Variants in NTM observed in about 807,000 individuals in gnomAD.
NTM encodes neurotrimin.
NTM carries 13 observed loss-of-function variants against 42.1 expected under a neutral mutation model. The observed-to-expected ratio is 0.31, with a 90% CI of 0.20 to 0.49. NTM has a LOEUF of 0.49. NTM is among the 20% of genes least tolerant of loss of function. NTM has a pLI of 0.99. For synonymous variants in NTM, 187 were observed against 179.2 expected, an observed-to-expected ratio of 1.04 and a Z score of -0.35; for missense variants, 373 against 452.8, an observed-to-expected ratio of 0.82 and a Z score of 1.60.
chr11:131,988,339 T>C (rs1249056886), intron 2 of NTM, among the ~76,000 whole-genome samples: 1 of 152,212 alleles, frequency 6.6e-6, no homozygotes, highest in Non-Finnish European at 1.5e-5. Flanking sequence ...AACCTTTCCC[T>C]GAGTTGATTT....
chr11:131,966,041 A>G (rs2062796479), intron 2 of NTM, among the ~76,000 whole-genome samples: 2 of 151,876 alleles, frequency 1.3e-5, no homozygotes. Flanking sequence ...AACAAATTGC[A>G]TTTTTCTGGG....
At chr11:132,036,313 T>C (rs2076507406) in intron 2 of NTM, among the ~76,000 whole-genome samples, 3 of 152,070 alleles carry the variant, frequency 2.0e-5, no homozygotes, top group Admixed American at 1.3e-4. Flanking sequence ...ATTTTCTTCA[T>C]AAGAGAGACT....
At chr11:132,094,515 C>T (rs966287893) in intron 2 of NTM, among the ~76,000 whole-genome samples, 4 of 152,148 alleles carry the variant, frequency 2.6e-5, no homozygotes, top group Non-Finnish European at 4.4e-5. Context: ...GATTTTAGTC[C>T]TTCTCTTTAG....
rs149079341 is a variant in NTM, at chr11:131,787,354, G to GATTATTATTATTATTATTATT, written c.83-124203_83-124183dup. ...AGATTTTAATATTAACATAATACAA[G>GATTATTATTATTATTATTATT]ATTATTATTATTATTATTATTATTA... On this transcript the variant is annotated intron_variant, in intron 1 of 8. Coordinates refer to ENST00000683400, the MANE Select transcript of NTM (RefSeq NM_001352005.2). Among the ~76,000 whole-genome samples, 915 of 144,428 alleles carry GATTATTATTATTATTATTATT rather than the reference G, an allele frequency of 6.3e-3. 2 individuals are homozygous for GATTATTATTATTATTATTATT. The highest frequency in any genetic ancestry group is 0.012 in the East Asian group (59 of 4,964). 94.8% of individuals were successfully genotyped at this position (144,428 alleles called of 152,430 possible).
intron 4 of NTM, among the ~76,000 whole-genome samples, chr11:132,228,564 G>T (rs1225827094): frequency 6.6e-6 from 1 of 152,188 alleles, no homozygotes; most frequent in Non-Finnish European, 1.5e-5. Context: ...ATAAGATGGG[G>T]AATAGGAGAG....
intron 1 of NTM, among the ~76,000 whole-genome samples, chr11:131,862,150 ACTGT>A (rs1176978794): frequency 6.6e-6 from 1 of 152,144 alleles, no homozygotes; most frequent in Non-Finnish European, 1.5e-5. Flanking sequence ...GGATTCTCAG[ACTGT>A]CTGAGAATTT....
chr11:131,666,470 G>C (rs1274470193), intron 1 of NTM, among the ~76,000 whole-genome samples: 1 of 152,130 alleles, frequency 6.6e-6, no homozygotes, highest in African/African-American at 2.4e-5. Flanking sequence ...CGTTGCGAGG[G>C]CAGGAGACCA....
chr11:132,085,872 CAT>C (rs773995868), intron 2 of NTM, among the ~76,000 whole-genome samples: 3 of 152,148 alleles, frequency 2.0e-5, no homozygotes, highest in African/African-American at 4.8e-5. Context: ...GAAGACAAAA[CAT>C]ATTTTGAGAG....
At chr11:132,220,409 G>C (rs1325136315) in intron 4 of NTM, among the ~76,000 whole-genome samples, 1 of 152,178 alleles carries the variant, frequency 6.6e-6, no homozygotes, top group East Asian at 1.9e-4. Flanking sequence ...ATTTGCCAGT[G>C]TCAATAGGGG....
At chr11:131,797,669 AT>A (rs1478200829) in intron 1 of NTM, among the ~76,000 whole-genome samples, 11 of 152,248 alleles carry the variant, frequency 7.2e-5, no homozygotes, top group African/African-American at 2.4e-4. Flanking sequence ...GTTTAGAACA[AT>A]TACCAACGTA....
chr11:131,628,341 A>G (rs1401533568), intron 1 of NTM, among the ~76,000 whole-genome samples: 1 of 152,248 alleles, frequency 6.6e-6, no homozygotes, highest in African/African-American at 2.4e-5. Context: ...ATAGTTTATG[A>G]AGATTATCTT....
At chr11:131,575,980 A>G (rs970222563) in intron 1 of NTM, among the ~76,000 whole-genome samples, 2 of 152,198 alleles carry the variant, frequency 1.3e-5, no homozygotes, top group Non-Finnish European at 2.9e-5. Context: ...TCCTTGTCTG[A>G]TGCTATTCAG....
intron 2 of NTM, among the ~76,000 whole-genome samples, chr11:131,916,634 TA>T (rs1005338080): frequency 1.3e-5 from 2 of 152,170 alleles, no homozygotes; most frequent in African/African-American, 2.4e-5. Context: ...TCATGTCATG[TA>T]AGGTGCTTGG....
At chr11:131,426,104 T>C (rs1043642546) in intron 1 of NTM, among the ~76,000 whole-genome samples, 1 of 151,732 alleles carries the variant, frequency 6.6e-6, no homozygotes, top group African/African-American at 2.4e-5. Context: ...GGCTGGGGGG[T>C]CTTTGAGGCG....
intron 1 of NTM, among the ~76,000 whole-genome samples, chr11:131,410,249 GA>G (rs1946233108): frequency 6.6e-6 from 1 of 152,068 alleles, no homozygotes. Context: ...GAGGTAAGTG[GA>G]TTGCTTGAGG....
intron 2 of NTM, among the ~76,000 whole-genome samples, chr11:131,938,928 G>A (rs1375587160): frequency 6.6e-6 from 1 of 152,146 alleles, no homozygotes; most frequent in East Asian, 1.9e-4. Context: ...GGGAAGGAGA[G>A]AAATGAGGGA....
intron 1 of NTM, among the ~76,000 whole-genome samples, chr11:131,586,011 G>A (rs1215652694): frequency 1.3e-5 from 2 of 152,156 alleles, no homozygotes; most frequent in African/African-American, 2.4e-5. Context: ...CTTACCTGTC[G>A]TAACTGGTCT....
At chr11:131,371,849 C>G (rs976875300) in intron 1 of NTM, among the ~76,000 whole-genome samples, 3 of 152,186 alleles carry the variant, frequency 2.0e-5, no homozygotes, top group African/African-American at 7.2e-5. Context: ...TCGTAAGGAT[C>G]GAGACAAGCT....
At chr11:132,198,001 T>A (rs189697570) in intron 3 of NTM, among the ~76,000 whole-genome samples, 4 of 152,140 alleles carry the variant, frequency 2.6e-5, no homozygotes, top group Non-Finnish European at 5.9e-5. Context: ...TATATTCTTT[T>A]GGGTATATAC....
Sources: allele counts gnomAD v4.1 joint callset (sites outside exome capture counted in the v4.1 genomes callset), GRCh38; gene constraint gnomAD v4.1.1; transcripts MANE v1.5; gene names NCBI Gene and HGNC (gene_info 2026-07-23, HGNC 2026-07-21).